Variants in FREM2 observed in about 807,000 individuals in gnomAD.
FREM2 encodes the protein FRAS1-related extracellular matrix protein 2.
A neutral mutation model predicts 219.9 loss-of-function variants in FREM2; 119 were observed. The observed-to-expected ratio is 0.54, with a 90% CI of 0.47 to 0.63. The LOEUF (loss-of-function observed/expected upper bound fraction) is 0.63. FREM2 is among the 30% of genes least tolerant of loss of function. FREM2 has a pLI of 0.00. For missense variants in FREM2, 4,030 were observed against 3,993.6 expected, an observed-to-expected ratio of 1.01 and a Z score of -0.25; for synonymous variants, 1,562 against 1,522.8, an observed-to-expected ratio of 1.03 and a Z score of -0.60.
chr13:38,779,556 A>G (rs758284179), intron 4 of FREM2: 2 of 152,118 alleles, frequency 1.3e-5, no homozygotes, highest in Non-Finnish European at 2.9e-5. Context: ...AGCCACCAAG[A>G]TTGCTGATAC....
At chr13:38,834,311 T>C (rs1876627743) in intron 6 of FREM2, among the ~76,000 whole-genome samples, 1 of 152,172 alleles carries the variant, frequency 6.6e-6, no homozygotes, top group African/African-American at 2.4e-5. Flanking sequence ...GAATGATGAT[T>C]TCCAGCTTCA....
At chr13:38,854,765 C>A (rs1038053443) in intron 11 of FREM2, among the ~76,000 whole-genome samples, 2 of 152,090 alleles carry the variant, frequency 1.3e-5, no homozygotes, top group African/African-American at 4.8e-5. Context: ...AGAAAAAAAT[C>A]TTTAAAGATA....
At chr13:38,713,988 G>A (rs1011451635) in intron 2 of FREM2, among the ~76,000 whole-genome samples, 1 of 152,172 alleles carries the variant, frequency 6.6e-6, no homozygotes, top group Non-Finnish European at 1.5e-5. Flanking sequence ...AACTATGGAG[G>A]CTACAATGAC....
chr13:38,801,698 C>T lies in FREM2; in HGVS notation c.6019+16890C>T, dbSNP rs565477293. Among the ~76,000 whole-genome samples the T allele has an allele frequency of 1.6e-4, 25 of 152,164 alleles. No homozygotes were observed. In the South Asian group the frequency reaches 5.2e-3, roughly 32 times the overall value. On this transcript the variant is annotated intron_variant, in intron 6 of 23. Coordinates refer to ENST00000280481, the MANE Select transcript of FREM2 (RefSeq NM_207361.6). ...TCTGGGAACTAGGATGCTAGGTAGG[C>T]CAGTCTTTGAGCCCCAGTGGTGGCA...
At chr13:38,813,490 CT>C (rs1307513502) in intron 6 of FREM2, among the ~76,000 whole-genome samples, 5 of 14,224 alleles carry the variant, frequency 3.5e-4, no homozygotes, top group African/African-American at 1.3e-3. Context: ...CTCTCTCTCT[CT>C]CTCTCTCTCT....
intron 12 of FREM2, among the ~76,000 whole-genome samples, chr13:38,856,592 T>G (rs2137917317): frequency 6.6e-6 from 1 of 151,880 alleles, no homozygotes; most frequent in East Asian, 1.9e-4. Context: ...CATCTCAGAG[T>G]AAAGAGGGAA....
chr13:38,841,077 T>C (rs1876944592), intron 6 of FREM2, among the ~76,000 whole-genome samples: 1 of 152,164 alleles, frequency 6.6e-6, no homozygotes, highest in South Asian at 2.1e-4. Flanking sequence ...AGCACAACTT[T>C]GGGGAAATCT....
At chr13:38,737,403 G>A (rs1341494489) in intron 2 of FREM2, among the ~76,000 whole-genome samples, 1 of 152,122 alleles carries the variant, frequency 6.6e-6, no homozygotes, top group Non-Finnish European at 1.5e-5. Context: ...AACAATGTTA[G>A]CATATTTCTC....
intron 2 of FREM2, among the ~76,000 whole-genome samples, chr13:38,752,836 C>T (rs1284433209): frequency 2.6e-5 from 4 of 152,118 alleles, no homozygotes; most frequent in Non-Finnish European, 5.9e-5. Context: ...GGTGCTAAAC[C>T]GGTTACTCAA....
intron 9 of FREM2, 97 bp from the exon 10 acceptor site, chr13:38,850,847 C>T: frequency 7.4e-7 from 1 of 1,342,560 alleles, no homozygotes. Context: ...ACTGATACAG[C>T]AGGGAAAATC....
At chr13:38,706,442 C>T (rs1449278589) in intron 2 of FREM2, among the ~76,000 whole-genome samples, 2 of 152,124 alleles carry the variant, frequency 1.3e-5, no homozygotes, top group Non-Finnish European at 2.9e-5. Flanking sequence ...ATAAATGTAC[C>T]TTTGAGAAAA....
At chr13:38,725,611 C>T (rs1180034716) in intron 2 of FREM2, among the ~76,000 whole-genome samples, 2 of 152,160 alleles carry the variant, frequency 1.3e-5, no homozygotes, top group East Asian at 1.9e-4. Context: ...AAACCCAGTG[C>T]AGCTGAAGTA....
intron 6 of FREM2, among the ~76,000 whole-genome samples, chr13:38,790,080 A>G (rs1874498272): frequency 6.6e-6 from 1 of 151,966 alleles, no homozygotes; most frequent in Admixed American, 6.6e-5. Flanking sequence ...TTTCTTTTTT[A>G]ATTTGAGGAG....
At chr13:38,821,653 A>T (rs1876061690) in intron 6 of FREM2, 1 of 152,078 alleles carries the variant, frequency 6.6e-6, no homozygotes, top group South Asian at 2.1e-4. Flanking sequence ...CACACCTAAC[A>T]TCTCTCATGT....
At chr13:38,814,779 A>G (rs960093501) in intron 6 of FREM2, among the ~76,000 whole-genome samples, 3 of 152,102 alleles carry the variant, frequency 2.0e-5, no homozygotes, top group Non-Finnish European at 2.9e-5. Context: ...TCAAACCACA[A>G]TGCAAAGTGC....
intron 4 of FREM2, among the ~76,000 whole-genome samples, chr13:38,773,431 C>T (rs1873749549): frequency 6.6e-6 from 1 of 152,056 alleles, no homozygotes; most frequent in Admixed American, 6.6e-5. Flanking sequence ...CACTCTGTCG[C>T]CCAGGCTTGA....
intron 2 of FREM2, among the ~76,000 whole-genome samples, chr13:38,733,424 A>G (rs1871850175): frequency 6.6e-6 from 1 of 152,106 alleles, no homozygotes; most frequent in African/African-American, 2.4e-5. Flanking sequence ...AAAAGAGCAC[A>G]GTGTTTCCTG....
At position 38,689,582 on chromosome 13, in the gene FREM2, C is replaced by T. The variant is rs541748462; in HGVS notation, c.2238C>T (p.Pro746=). The change falls in exon 1 of 24, where the codon CCC becomes CCT. Residue 746 remains proline, a synonymous_variant. Transcript: ENST00000280481. ...RELRYTVTQP[P]TDTDENHLPA... Reference sequence around the variant, plus strand: ...TACGTTACACAGTGACTCAGCCCCCCACAGACACAGACGAAAATCACCTGC... The same window carrying T: ...TACGTTACACAGTGACTCAGCCCCCTACAGACACAGACGAAAATCACCTGC... 9 of 1,612,710 alleles carry T rather than the reference C, an allele frequency of 5.6e-6. No homozygotes were observed. In the African/African-American group the frequency reaches 8.0e-5, roughly 14 times the overall value.
chr13:38,756,191 C>G, intron 2 of FREM2, among the ~76,000 whole-genome samples: 1 of 152,174 alleles, frequency 6.6e-6, no homozygotes, highest in East Asian at 1.9e-4. Flanking sequence ...TGAGTAAATA[C>G]AGTTGATTTT....
Sources: gnomAD v4.1 joint callset for allele counts (sites outside exome capture counted in the v4.1 genomes callset) on GRCh38, gnomAD v4.1.1 for gene constraint, MANE v1.5 for transcripts, NCBI Gene and HGNC (gene_info 2026-07-23, HGNC 2026-07-21) for gene names.